XKR5: variants seen among roughly 807,000 people sequenced by gnomAD.
XKR5 encodes the protein XK-related protein 5.
A neutral mutation model predicts 40.8 loss-of-function variants in XKR5; 46 were observed. The observed-to-expected ratio is 1.13, with a 90% CI of 0.89 to 1.44. The LOEUF (loss-of-function observed/expected upper bound fraction) is 1.44, where lower values mean the gene tolerates loss of function less well. Ranked by LOEUF, XKR5 falls within the 40% of genes most tolerant of loss-of-function variation. The probability of loss-of-function intolerance (pLI) is 0.00; values close to 1 mark genes in which losing one functional copy is unlikely to be tolerated. For missense variants in XKR5, 1,169 were observed against 844.7 expected, an observed-to-expected ratio of 1.38 and a Z score of -4.76; for synonymous variants, 466 against 356.1, an observed-to-expected ratio of 1.31 and a Z score of -3.48.
chr8:6,831,838 AC>A (rs1275651375), intron 2 of XKR5, among the ~76,000 whole-genome samples: 1 of 151,796 alleles, frequency 6.6e-6, no homozygotes, highest in Non-Finnish European at 1.5e-5. Context: ...ACCCAGTGAA[AC>A]CCTGTTTCGA....
chr8:6,812,791 AT>A lies in XKR5; in HGVS notation c.920-453del, dbSNP rs540225161. On this transcript the variant is annotated intron_variant, in intron 6 of 6. Coordinates refer to ENST00000618742, the MANE Select transcript of XKR5 (RefSeq NM_207411.5). ...TTACAAAGCTGGGGGAAGGGAGGGC[AT>A]TAAGAAATAACCTCAAAAACAAGTA... is the stretch of plus-strand genomic sequence containing the variant. 4.9e-4 allele frequency among the ~76,000 whole-genome samples: 74 copies of A among 152,364 alleles called. 1 individual carries two copies. In the South Asian group the frequency reaches 0.014, roughly 29 times the overall value.
In XKR5 at chr8:6,812,287, G is replaced by A. The variant is rs760551275; in HGVS notation, c.972C>T (p.Asp324=). 12 of 1,554,126 alleles carry A rather than the reference G, an allele frequency of 7.7e-6. No homozygotes were observed. The East Asian group carries it at 2.2e-4, about 28-fold the overall frequency. Residue 324 remains aspartate, a synonymous_variant, in exon 7 of 7, where the codon GAC becomes GAT. Transcript: ENST00000618742. ...ACTTCCTTAGGCAGCCCTGCCAGAT[G>A]TCTGTGGATTTTGGATGCAGCAGGC... ...YYSLLHPKST[D]IWQGCLRKSC...
chr8:6,819,296 G>A (rs1350856904), intron 5 of XKR5, among the ~76,000 whole-genome samples: 2 of 152,186 alleles, frequency 1.3e-5, no homozygotes, highest in Admixed American at 1.3e-4. Flanking sequence ...GTGGGTCCCG[G>A]CACCCTCCGC....
chr8:6,811,858 G>A lies in XKR5; in HGVS notation c.1401C>T (p.Asn467=), dbSNP rs759974174. Reference sequence around the variant, plus strand: ...TAGGGACACCTTCAAACGCAGAGCTGTTCTCTAAGGTTGAGGGGTCACGGG... The same window carrying A: ...TAGGGACACCTTCAAACGCAGAGCTATTCTCTAAGGTTGAGGGGTCACGGG... ...SSSRDPSTLE[N]SSAFEGVPKA... The change falls in exon 7 of 7, where the codon AAC becomes AAT. Residue 467 remains asparagine, a synonymous_variant. Transcript: ENST00000618742. 60 of 1,537,452 alleles carry A rather than the reference G, an allele frequency of 3.9e-5. No homozygotes were observed. The Middle Eastern group carries it at 2.3e-3, about 60-fold the overall frequency.
chr8:6,833,647 C>T (rs1000254231), intron 1 of XKR5, among the ~76,000 whole-genome samples: 1 of 152,136 alleles, frequency 6.6e-6, no homozygotes, highest in African/African-American at 2.4e-5. Context: ...ACTCAGGAGG[C>T]GGAGTTTGCA....
chr8:6,811,714 T>C lies in XKR5; in HGVS notation c.1545A>G (p.Gly515=). The C allele has an allele frequency of 1.3e-6, 2 of 1,537,662 alleles. No homozygotes were observed. The highest frequency in any genetic ancestry group is 1.7e-6 in the Non-Finnish European group (2 of 1,147,020). Residue 515 remains glycine, a synonymous_variant, in exon 7 of 7, where the codon GGA becomes GGG. Coordinates refer to ENST00000618742, the MANE Select transcript of XKR5 (RefSeq NM_207411.5). ...CCTGTGTCCCAGAAACAGCGTCAGC[T>C]CCTTCCTTTGGGGTGCCCTCCCCCT... ...ATQGEGTPKE[G]ADAVSGTQGK...
At chr8:6,820,359 G>A (rs1295422604) in intron 5 of XKR5, among the ~76,000 whole-genome samples, 2 of 152,226 alleles carry the variant, frequency 1.3e-5, no homozygotes, top group African/African-American at 4.8e-5. Flanking sequence ...GTGACTGTAT[G>A]AGATGGTTGG....
chr8:6,829,717 G>C (rs947367164), intron 2 of XKR5, among the ~76,000 whole-genome samples: 2 of 151,200 alleles, frequency 1.3e-5, no homozygotes, highest in Non-Finnish European at 2.9e-5. Flanking sequence ...GGTTTCGACA[G>C]TGTTGGCCAG....
intron 2 of XKR5, among the ~76,000 whole-genome samples, chr8:6,827,375 C>G (rs747200072): frequency 6.6e-6 from 1 of 152,212 alleles, no homozygotes; most frequent in Non-Finnish European, 1.5e-5. Flanking sequence ...CTGCAAAACT[C>G]CCTGTAGAGA....
At chr8:6,831,311 G>C (rs538134754) in intron 2 of XKR5, among the ~76,000 whole-genome samples, 1 of 152,188 alleles carries the variant, frequency 6.6e-6, no homozygotes, top group Non-Finnish European at 1.5e-5. Context: ...TCTTTTCAGG[G>C]GAACGGCACT....
chr8:6,813,282 T>G (rs539843521), intron 6 of XKR5, among the ~76,000 whole-genome samples: 113 of 152,354 alleles, frequency 7.4e-4, no homozygotes, highest in African/African-American at 2.7e-3. Context: ...TAGGTCCTGC[T>G]CAGCCAGTTT....
chr8:6,823,469 T>C lies in XKR5; in HGVS notation c.637+52A>G, dbSNP rs1021671641. 3.9e-6 allele frequency: 6 copies of C among 1,534,296 alleles called. No homozygotes were observed. In the African/African-American group the frequency reaches 8.2e-5, roughly 21 times the overall value. On this transcript the variant is annotated intron_variant, in intron 4 of 6. Coordinates refer to ENST00000618742, the MANE Select transcript of XKR5 (RefSeq NM_207411.5). ...TGGTTATTCTTGAGACCTTCATTTC[T>C]GGGTTGATTGGTTATGCAGCAACAG...
intron 2 of XKR5, among the ~76,000 whole-genome samples, chr8:6,832,395 A>G (rs1804810399): frequency 6.6e-6 from 1 of 152,210 alleles, no homozygotes; most frequent in Non-Finnish European, 1.5e-5. Context: ...GAACTGCCTT[A>G]AGTAAGTTGC....
chr8:6,812,039 C>A lies in XKR5; in HGVS notation c.1220G>T (p.Trp407Leu), dbSNP rs1803736256. The A allele has an allele frequency of 6.5e-7, 1 of 1,538,206 alleles. No individual in the cohort carries two copies. Reference protein sequence around the residue: ...DSFLSHHHWLWVKLALKTGNV... With the variant: ...DSFLSHHHWLLVKLALKTGNV... ...TCCTGTTTTTAGGGCAAGTTTCACCCACAGCCAGTGGTGATGACTGAGGAA... is the reference window on the plus strand; with the variant it reads ...TCCTGTTTTTAGGGCAAGTTTCACCAACAGCCAGTGGTGATGACTGAGGAA... Residue 407 changes from tryptophan to leucine, a missense_variant, in exon 7 of 7, where the codon TGG (tryptophan) becomes TTG (leucine). Coordinates refer to ENST00000618742, the MANE Select transcript of XKR5 (RefSeq NM_207411.5).
At chr8:6,817,840 G>A (rs1804033216) in intron 5 of XKR5, among the ~76,000 whole-genome samples, 1 of 152,096 alleles carries the variant, frequency 6.6e-6, no homozygotes, top group South Asian at 2.1e-4. Flanking sequence ...GCCCTAACAG[G>A]ACTGACTCCT....
rs905200126 is a variant in XKR5 at position 6,835,429 on chromosome 8, C to A, written c.58+7G>T. The A allele has an allele frequency of 5.4e-6, 8 of 1,479,480 alleles. No homozygotes were observed. Among genetic ancestry groups the A allele is most frequent in the African/African-American group, 2.9e-5 (2 of 68,332 alleles). 91.6% of individuals were successfully genotyped at this position (1,479,480 alleles called of 1,614,324 possible). ...GGGTGAGCACAGCCTCGGGCTGCCG[C>A]ACTCACGCGCGCTCTGCTCGGCCGC... On this transcript the variant is annotated splice_region_variant and intron_variant, in intron 1 of 6. Coordinates refer to ENST00000618742, the MANE Select transcript of XKR5 (RefSeq NM_207411.5).
intron 2 of XKR5, among the ~76,000 whole-genome samples, chr8:6,827,763 T>G (rs1804579083): frequency 6.6e-6 from 1 of 152,082 alleles, no homozygotes; most frequent in Admixed American, 6.5e-5. Context: ...TTTCTTGGGC[T>G]TTGAGAGGCC....
rs546220106 is a variant in XKR5, at chr8:6,831,779, G to A, written c.242+938C>T. 6.6e-5 allele frequency among the ~76,000 whole-genome samples: 10 copies of A among 152,276 alleles called. No individual in the cohort carries two copies. In the South Asian group the frequency reaches 2.1e-3, roughly 32 times the overall value. On this transcript the variant is annotated intron_variant, in intron 2 of 6. Coordinates refer to ENST00000618742, the MANE Select transcript of XKR5 (RefSeq NM_207411.5). ...GCCTGTAATCCCAGCACTTTGGGAGGCCAAGGTGGGCGGATCACGAGGTCA... is the reference window on the plus strand; with the variant it reads ...GCCTGTAATCCCAGCACTTTGGGAGACCAAGGTGGGCGGATCACGAGGTCA...
chr8:6,834,523 T>C (rs1804917399), intron 1 of XKR5, among the ~76,000 whole-genome samples: 1 of 152,192 alleles, frequency 6.6e-6, no homozygotes, highest in Non-Finnish European at 1.5e-5. Context: ...GCAGGTCCTG[T>C]CTCAGCCCTT....
Sources: gnomAD v4.1 joint callset for allele counts (sites outside exome capture counted in the v4.1 genomes callset) on GRCh38, gnomAD v4.1.1 for gene constraint, MANE v1.5 for transcripts, NCBI Gene and HGNC (gene_info 2026-07-23, HGNC 2026-07-21) for gene names.